BCL2: variants seen among roughly 807,000 people sequenced by gnomAD.
BCL2 encodes the protein apoptosis regulator Bcl-2.
Under a neutral mutation model 14.2 loss-of-function variants are expected in BCL2, and 1 was observed. The observed-to-expected ratio is 0.07, with a 90% CI of 0.02 to 0.33. The LOEUF (loss-of-function observed/expected upper bound fraction) is 0.33, where lower values mean the gene tolerates loss of function less well. Ranked by LOEUF, BCL2 falls within the 10% of genes least tolerant of loss-of-function variation. The pLI, the probability that BCL2 is intolerant of heterozygous loss-of-function variation, is 0.99. For missense variants in BCL2, 247 were observed against 305.9 expected (o/e 0.81, Z 1.44); for synonymous variants, 151 against 137.2 (o/e 1.10, Z -0.70).
At chr18:63,209,524 T>C (rs879616359) in intron 2 of BCL2, among the ~76,000 whole-genome samples, 2 of 152,068 alleles carry the variant, frequency 1.3e-5, no homozygotes, top group Non-Finnish European at 2.9e-5. Flanking sequence ...GAGAAGTGTA[T>C]AAATCCTCAA....
At position 63,143,819 on chromosome 18, in the gene BCL2, T is replaced by C. The variant is rs182679616; in HGVS notation, c.586-15060A>G. ...AAACCTTGGAGCGAGTTGGCTCAGG[T>C]TGCATTCAGGGATGCAAACATTTAC... On this transcript the variant is annotated intron_variant, in intron 2 of 2. Coordinates refer to ENST00000333681, the MANE Select transcript of BCL2 (RefSeq NM_000633.3). 1.2e-4 allele frequency among the ~76,000 whole-genome samples: 18 copies of C among 152,294 alleles called. No individual in the cohort carries two copies. The East Asian group carries it at 2.9e-3, about 25-fold the overall frequency.
chr18:63,240,970 G>C (rs1428344404), intron 2 of BCL2, among the ~76,000 whole-genome samples: 2 of 152,198 alleles, frequency 1.3e-5, no homozygotes, highest in East Asian at 3.8e-4. Context: ...CTATAGCATG[G>C]GTTGGAAAAC....
At chr18:63,220,547 G>A (rs755256869) in intron 2 of BCL2, among the ~76,000 whole-genome samples, 4 of 152,094 alleles carry the variant, frequency 2.6e-5, no homozygotes, top group African/African-American at 4.8e-5. Context: ...TAGGTTTTTC[G>A]TCATCAACTC....
chr18:63,144,950 A>G (rs1265465100), intron 2 of BCL2, among the ~76,000 whole-genome samples: 3 of 152,208 alleles, frequency 2.0e-5, no homozygotes, highest in Non-Finnish European at 4.4e-5. Context: ...GAAGCCCTTG[A>G]CTGTGGTCTG....
At chr18:63,263,317 G>C (rs1166066190) in intron 2 of BCL2, among the ~76,000 whole-genome samples, 1 of 152,220 alleles carries the variant, frequency 6.6e-6, no homozygotes, top group Non-Finnish European at 1.5e-5. Context: ...AGGCAGTCCA[G>C]TGTAATTTTA....
intron 2 of BCL2, among the ~76,000 whole-genome samples, chr18:63,212,393 T>C (rs1910053377): frequency 6.6e-6 from 1 of 151,270 alleles, no homozygotes; most frequent in Non-Finnish European, 1.5e-5. Context: ...GCTTTGAAAA[T>C]TCCAAGTTTC....
chr18:63,255,848 A>G (rs889008271), intron 2 of BCL2, among the ~76,000 whole-genome samples: 5 of 152,014 alleles, frequency 3.3e-5, no homozygotes, highest in Admixed American at 3.3e-4. Context: ...CACACACACA[A>G]ACATTTCTTA....
rs202112192 is a variant in BCL2 at position 63,127,090 on chromosome 18, C to CT, written c.*1534dup. 1,130 of 225,254 alleles carry CT rather than the reference C, an allele frequency of 5.0e-3. 15 individuals are homozygous for CT. Among genetic ancestry groups the CT allele is most frequent in the South Asian group, 0.045 (243 of 5,416 alleles). The allele number at this position is 225,254 out of a possible 1,614,324, so 14.0% of individuals were successfully genotyped here. On this transcript the variant is annotated 3_prime_UTR_variant, in exon 3 of 3. Transcript: ENST00000333681. ...TAACCCCCATATTCCACACCTGGAA[C>CT]TTTTTTTTTGTCAGGTTTTCAAATA...
At chr18:63,229,187 TTATA>T (rs979341970) in intron 2 of BCL2, among the ~76,000 whole-genome samples, 9 of 152,094 alleles carry the variant, frequency 5.9e-5, no homozygotes, top group Non-Finnish European at 1.0e-4. Context: ...ATTTATTTAT[TTATA>T]TTTTATTTTT....
chr18:63,134,068 T>C (rs113244677), intron 2 of BCL2, among the ~76,000 whole-genome samples: 298 of 152,158 alleles, frequency 2.0e-3, no homozygotes, highest in African/African-American at 6.9e-3. Flanking sequence ...AACATATACA[T>C]GTGCGCGTTT....
chr18:63,293,314 C>T lies in BCL2; in HGVS notation c.585+24768G>A, dbSNP rs556518691. On this transcript the variant is annotated intron_variant, in intron 2 of 2. Coordinates refer to ENST00000333681, the MANE Select transcript of BCL2 (RefSeq NM_000633.3). ...TCAAACCCTGAACATCAGCAGCACT[C>T]GTACTTCTCTTTTTTGGGGCTGTGA... 5.3e-5 allele frequency among the ~76,000 whole-genome samples: 8 copies of T among 152,338 alleles called. No homozygotes were observed. The East Asian group carries it at 7.7e-4, about 15-fold the overall frequency.
At chr18:63,217,582 A>G (rs1910239988) in intron 2 of BCL2, among the ~76,000 whole-genome samples, 1 of 152,158 alleles carries the variant, frequency 6.6e-6, no homozygotes, top group African/African-American at 2.4e-5. Flanking sequence ...TGTCTTGACA[A>G]CCTGGCAAGT....
At chr18:63,188,999 GTTT>G (rs36046351) in intron 2 of BCL2, among the ~76,000 whole-genome samples, 2 of 139,902 alleles carry the variant, frequency 1.4e-5, no homozygotes, top group African/African-American at 2.7e-5. Context: ...TTTTCCCCAA[GTTT>G]TTTTTTTTTT....
intron 2 of BCL2, among the ~76,000 whole-genome samples, chr18:63,133,838 T>C (rs745877929): frequency 6.6e-6 from 1 of 152,170 alleles, no homozygotes; most frequent in African/African-American, 2.4e-5. Context: ...GTTATTTATT[T>C]TGGAAAAATA....
intron 2 of BCL2, among the ~76,000 whole-genome samples, chr18:63,290,148 A>G (rs545059950): frequency 8.3e-4 from 127 of 152,220 alleles, no homozygotes; most frequent in Non-Finnish European, 1.6e-3. Flanking sequence ...AGGAAGAGAA[A>G]CTGTTGAGTC....
At chr18:63,184,257 A>G (rs1007740218) in intron 2 of BCL2, among the ~76,000 whole-genome samples, 25 of 152,252 alleles carry the variant, frequency 1.6e-4, no homozygotes, top group Non-Finnish European at 2.9e-4. Context: ...AACTTCCTGT[A>G]TTCAGATTCT....
chr18:63,256,136 G>A (rs1187041106), intron 2 of BCL2, among the ~76,000 whole-genome samples: 2 of 152,198 alleles, frequency 1.3e-5, no homozygotes, highest in East Asian at 1.9e-4. Flanking sequence ...TGGTGTCATT[G>A]TGCATTGGTT....
chr18:63,172,846 G>T (rs8088100), intron 2 of BCL2, among the ~76,000 whole-genome samples: 44,624 of 152,052 alleles, frequency 0.29, 8,959 homozygotes, highest in African/African-American at 0.54. Flanking sequence ...ACCTGAAAAT[G>T]TAAAAGTATT....
chr18:63,186,900 GT>G (rs1471855616), intron 2 of BCL2, among the ~76,000 whole-genome samples: 1 of 152,172 alleles, frequency 6.6e-6, no homozygotes, highest in African/African-American at 2.4e-5. Flanking sequence ...GTCATTTGAT[GT>G]TTTTGTCCTG....
Sources: allele counts gnomAD v4.1 joint callset (sites outside exome capture counted in the v4.1 genomes callset), GRCh38; gene constraint gnomAD v4.1.1; transcripts MANE v1.5; gene names NCBI Gene and HGNC (gene_info 2026-07-23, HGNC 2026-07-21).